The following ADGRL2 variants were observed in gnomAD, a reference collection of about 807,000 sequenced individuals.
ADGRL2 encodes the protein adhesion G protein-coupled receptor L2, also known as calcium-independent alpha-latrotoxin receptor 2.
In ADGRL2, 44 loss-of-function variants were observed where a neutral mutation model predicts 157.4. The ratio of observed to expected loss-of-function variants is 0.28; its 90% CI spans 0.22 to 0.36. The LOEUF is 0.36. Among genes scored for constraint, ADGRL2 ranks in the 10% least tolerant of loss-of-function variants. The pLI, the probability that ADGRL2 is intolerant of heterozygous loss-of-function variation, is 1.00. For synonymous variants in ADGRL2, 585 were observed against 624.7 expected, an observed-to-expected ratio of 0.94 and a Z score of 0.95; for missense variants, 1,510 against 1,768.9, an observed-to-expected ratio of 0.85 and a Z score of 2.63.
intron 1 of ADGRL2, among the ~76,000 whole-genome samples, chr1:81,334,856 A>G (rs1013081758): frequency 6.6e-6 from 1 of 152,232 alleles, no homozygotes; most frequent in African/African-American, 2.4e-5. Context: ...CAGGATAGAT[A>G]TTTGAAGGAC....
At chr1:81,467,620 T>G (rs1462487236) in intron 2 of ADGRL2, among the ~76,000 whole-genome samples, 1 of 152,150 alleles carries the variant, frequency 6.6e-6, no homozygotes, top group African/African-American at 2.4e-5. Flanking sequence ...GTTAGATCCC[T>G]AGTGAGATTT....
At chr1:81,972,130 ATTT>A (rs1358819261) in intron 17 of ADGRL2, among the ~76,000 whole-genome samples, 7 of 152,074 alleles carry the variant, frequency 4.6e-5, no homozygotes, top group Non-Finnish European at 8.8e-5. Flanking sequence ...ACTTTTTCTC[ATTT>A]CTAATTTAAT....
At chr1:81,438,906 G>GCTGCC (rs1243277796) in intron 1 of ADGRL2, among the ~76,000 whole-genome samples, 1 of 152,040 alleles carries the variant, frequency 6.6e-6, no homozygotes, top group Non-Finnish European at 1.5e-5. Context: ...CCAAGTTCCA[G>GCTGCC]CTGCCTAAGG....
At chr1:81,377,653 G>A (rs544971606) in intron 1 of ADGRL2, among the ~76,000 whole-genome samples, 10 of 152,044 alleles carry the variant, frequency 6.6e-5, no homozygotes, top group Non-Finnish European at 1.3e-4. Flanking sequence ...TGATTGTTAG[G>A]TTTCCTCTTT....
intron 1 of ADGRL2, among the ~76,000 whole-genome samples, chr1:81,370,585 T>C (rs968154700): frequency 5.9e-5 from 9 of 152,196 alleles, no homozygotes; most frequent in Non-Finnish European, 1.2e-4. Flanking sequence ...AAAATACTTG[T>C]GCATTTCATT....
chr1:81,811,385 A>C (rs900993530), intron 1 of ADGRL2, among the ~76,000 whole-genome samples: 1 of 151,788 alleles, frequency 6.6e-6, no homozygotes, highest in Non-Finnish European at 1.5e-5. Context: ...CAGTATTTAC[A>C]TGTTATCAAG....
At chr1:81,465,851 G>A (rs2078041624) in intron 2 of ADGRL2, among the ~76,000 whole-genome samples, 1 of 152,164 alleles carries the variant, frequency 6.6e-6, no homozygotes, top group Non-Finnish European at 1.5e-5. Context: ...CATTAGTCCT[G>A]CAGAGAGCCA....
Position 81,483,585 on chromosome 1 carries a change from A to G in ADGRL2, c.-248+38496A>G, listed in dbSNP as rs1355035351. 3.9e-5 allele frequency among the ~76,000 whole-genome samples: 6 copies of G among 152,214 alleles called. No individual in the cohort carries two copies. The East Asian group carries it at 9.6e-4, about 24-fold the overall frequency. The stretch of plus-strand genomic sequence containing the variant: ...GGAATATATATTTCCCCCAGAAGCA[A>G]TTAAAAATGATTCAACAATGTACAA... On this transcript the variant is annotated intron_variant, in intron 2 of 24. Coordinates refer to the ADGRL2 transcript ENST00000370721.
chr1:81,739,135 A>C (rs779091036), intron 1 of ADGRL2, among the ~76,000 whole-genome samples: 3 of 152,244 alleles, frequency 2.0e-5, no homozygotes, highest in South Asian at 2.1e-4. Flanking sequence ...AAAACAAAAC[A>C]AAACCACAAC....
chr1:81,737,452 G>A (rs966368350), intron 1 of ADGRL2, among the ~76,000 whole-genome samples: 6 of 152,052 alleles, frequency 3.9e-5, no homozygotes, highest in Middle Eastern at 3.2e-3. Context: ...AGAATAACAA[G>A]GGGAAATCTG....
chr1:81,818,745 A>C (rs1305980721), intron 1 of ADGRL2, among the ~76,000 whole-genome samples: 1 of 152,216 alleles, frequency 6.6e-6, no homozygotes, highest in African/African-American at 2.4e-5. Context: ...TATAAAAGTC[A>C]TACTACGATA....
chr1:81,423,549 C>G (rs998088140), intron 1 of ADGRL2, among the ~76,000 whole-genome samples: 3 of 152,182 alleles, frequency 2.0e-5, no homozygotes, highest in African/African-American at 7.2e-5. Flanking sequence ...GACTCTATAA[C>G]TCAGATTCTG....
At chr1:81,837,191 ATTGT>A (rs1475455573) in intron 2 of ADGRL2, 134 bp downstream of exon 2, 3 of 497,806 alleles carry the variant, frequency 6.0e-6, no homozygotes, top group East Asian at 3.4e-5. Flanking sequence ...TGAATATTGA[ATTGT>A]TTATTAGGTG....
At chr1:81,787,519 G>A (rs2087111690) in intron 2 of ADGRL2, among the ~76,000 whole-genome samples, 1 of 152,192 alleles carries the variant, frequency 6.6e-6, no homozygotes, top group South Asian at 2.1e-4. Flanking sequence ...GCCGGGTGTG[G>A]TGGCACACGC....
intron 1 of ADGRL2, among the ~76,000 whole-genome samples, chr1:81,729,486 A>G (rs2084649957): frequency 6.6e-6 from 1 of 152,204 alleles, no homozygotes; most frequent in Non-Finnish European, 1.5e-5. Context: ...GCCACATTTC[A>G]AGCATTTTTG....
chr1:81,911,134 A>G (rs2094711247), intron 3 of ADGRL2, among the ~76,000 whole-genome samples: 1 of 151,996 alleles, frequency 6.6e-6, no homozygotes. Flanking sequence ...TCCATTTTCT[A>G]TTTCCTGTTC....
chr1:81,912,611 T>A (rs1247846790), intron 3 of ADGRL2, among the ~76,000 whole-genome samples: 1 of 152,068 alleles, frequency 6.6e-6, no homozygotes, highest in Admixed American at 6.6e-5. Flanking sequence ...TTATGTAATT[T>A]GAGTACGCAA....
chr1:81,343,892 T>C (rs1662270869), intron 1 of ADGRL2, among the ~76,000 whole-genome samples: 1 of 151,962 alleles, frequency 6.6e-6, no homozygotes, highest in Non-Finnish European at 1.5e-5. Context: ...CATTTGGGAG[T>C]GGGACTTCAA....
chr1:81,614,036 C>G (rs1476563755), intron 3 of ADGRL2, among the ~76,000 whole-genome samples: 1 of 152,154 alleles, frequency 6.6e-6, no homozygotes, highest in Non-Finnish European at 1.5e-5. Context: ...TAAAACCAGA[C>G]CCATCACTGC....
Sources: allele counts gnomAD v4.1 joint callset (sites outside exome capture counted in the v4.1 genomes callset), GRCh38; gene constraint gnomAD v4.1.1; transcripts MANE v1.5; gene names NCBI Gene and HGNC (gene_info 2026-07-23, HGNC 2026-07-21).